ULK4: variants seen among roughly 807,000 people sequenced by gnomAD.
ULK4 encodes the protein unc-51 like kinase 4, also known as inactive serine/threonine-protein kinase ULK4.
Under a neutral mutation model 160.6 loss-of-function variants are expected in ULK4, and 133 were observed. That is an observed-to-expected ratio of 0.83 (90% CI 0.72 to 0.96). ULK4 has a LOEUF of 0.96. ULK4 is among the 40% of genes least tolerant of loss of function. The pLI, the probability that ULK4 is intolerant of heterozygous loss-of-function variation, is 0.00. For synonymous variants in ULK4, 534 were observed against 539.8 expected, an observed-to-expected ratio of 0.99 and a Z score of 0.15; for missense variants, 1,580 against 1,499.5, an observed-to-expected ratio of 1.05 and a Z score of -0.89.
chr3:41,854,917 T>G (rs982848818), intron 17 of ULK4: 8 of 145,286 alleles, frequency 5.5e-5, no homozygotes, highest in Non-Finnish European at 1.2e-4. Flanking sequence ...ATCTCACATC[T>G]GTTCAGTGGG....
At position 41,386,128 on chromosome 3, in the gene ULK4, A is replaced by T. The variant is rs77571150; in HGVS notation, c.3678+11951T>A. ...CTTCAGCACTTCCACGTTTGGCTCA[A>T]AACAGATGCTCAATATACTATTGCT... On this transcript the variant is annotated intron_variant, in intron 35 of 36. Coordinates refer to ENST00000301831, the MANE Select transcript of ULK4 (RefSeq NM_017886.4). Among the ~76,000 whole-genome samples the T allele has an allele frequency of 6.7e-3, 1,018 of 152,302 alleles. 4 individuals are homozygous for T. The highest frequency in any genetic ancestry group is 0.015 in the East Asian group (78 of 5,186).
intron 30 of ULK4, among the ~76,000 whole-genome samples, chr3:41,655,121 C>T (rs1482798625): frequency 6.7e-6 from 1 of 150,280 alleles, no homozygotes; most frequent in African/African-American, 2.5e-5. Flanking sequence ...CCAGCCTGGG[C>T]AACATAGTAA....
intron 8 of ULK4, chr3:41,913,289 G>C (rs1313532993): frequency 1.3e-5 from 2 of 150,870 alleles, no homozygotes; most frequent in East Asian, 4.0e-4. Context: ...GCAGTGGCGC[G>C]ATCTCGGCTC....
intron 17 of ULK4, chr3:41,859,374 C>A: frequency 1.7e-6 from 1 of 580,114 alleles, no homozygotes. Flanking sequence ...GCTTCAGATA[C>A]CAGACGGCTT....
At chr3:41,702,130 A>AT (rs1350741069) in intron 27 of ULK4, among the ~76,000 whole-genome samples, 1 of 152,116 alleles carries the variant, frequency 6.6e-6, no homozygotes, top group Admixed American at 6.6e-5. Flanking sequence ...TAATTTTTTA[A>AT]TTTTTTAATT....
rs189880757 is a variant in ULK4 at position 41,671,947 on chromosome 3, A to C, written c.2979-8248T>G. 5.9e-5 allele frequency among the ~76,000 whole-genome samples: 9 copies of C among 152,322 alleles called. No homozygotes were observed. The East Asian group carries it at 1.7e-3, about 29-fold the overall frequency. On this transcript the variant is annotated intron_variant, in intron 29 of 36. Transcript: ENST00000301831. Reference sequence around the variant, plus strand: ...ATATAAACATTTCTCAAAAGAAGACATACAAATGGCCAACGGGTACATGAA... The same window carrying C: ...ATATAAACATTTCTCAAAAGAAGACCTACAAATGGCCAACGGGTACATGAA...
chr3:41,305,864 G>C (rs1269295996), intron 35 of ULK4, among the ~76,000 whole-genome samples: 1 of 139,724 alleles, frequency 7.2e-6, no homozygotes, highest in Non-Finnish European at 1.5e-5. Flanking sequence ...GAGCGCCTCT[G>C]CCCCCCCGCC....
chr3:41,862,136 C>T (rs2042511783), intron 17 of ULK4, among the ~76,000 whole-genome samples: 1 of 152,108 alleles, frequency 6.6e-6, no homozygotes, highest in African/African-American at 2.4e-5. Context: ...AGTCTTCAAG[C>T]TCACTAATTC....
intron 35 of ULK4, among the ~76,000 whole-genome samples, chr3:41,330,628 C>G (rs1429888523): frequency 6.6e-6 from 1 of 152,172 alleles, no homozygotes; most frequent in Admixed American, 6.5e-5. Context: ...GCCATGTTTA[C>G]CCCTAAGTCA....
intron 35 of ULK4, among the ~76,000 whole-genome samples, chr3:41,293,308 CT>C (rs755987991): frequency 2.0e-5 from 3 of 151,952 alleles, no homozygotes; most frequent in Non-Finnish European, 4.4e-5. Context: ...AAAAACAAAG[CT>C]GGCAGGATTC....
intron 34 of ULK4, among the ~76,000 whole-genome samples, chr3:41,423,223 T>TG (rs1308214235): frequency 6.6e-6 from 1 of 152,178 alleles, no homozygotes; most frequent in Non-Finnish European, 1.5e-5. Flanking sequence ...GGGGTTACAC[T>TG]GGGGGTGGAG....
At chr3:41,925,198 G>A (rs1457345868) in intron 5 of ULK4, among the ~76,000 whole-genome samples, 1 of 152,188 alleles carries the variant, frequency 6.6e-6, no homozygotes, top group African/African-American at 2.4e-5. Flanking sequence ...ACCAACTGAG[G>A]TACCAGGTTC....
intron 29 of ULK4, among the ~76,000 whole-genome samples, chr3:41,671,900 C>T (rs2035552392): frequency 6.6e-6 from 1 of 151,854 alleles, no homozygotes; most frequent in South Asian, 2.1e-4. Context: ...TAATAATAAT[C>T]CCATTTAAAA....
intron 35 of ULK4, among the ~76,000 whole-genome samples, chr3:41,332,774 A>G (rs541591548): frequency 2.6e-5 from 4 of 152,200 alleles, no homozygotes; most frequent in African/African-American, 9.6e-5. Flanking sequence ...ACAGTACCCA[A>G]TGGTTAGTTT....
intron 35 of ULK4, among the ~76,000 whole-genome samples, chr3:41,317,322 G>T (rs970351627): frequency 2.6e-5 from 4 of 152,152 alleles, no homozygotes; most frequent in African/African-American, 9.6e-5. Flanking sequence ...TGATCCACCT[G>T]CCTCGGCCTC....
chr3:41,294,725 T>C (rs2079636714), intron 35 of ULK4, among the ~76,000 whole-genome samples: 1 of 151,924 alleles, frequency 6.6e-6, no homozygotes, highest in South Asian at 2.1e-4. Flanking sequence ...TATTAGCTAA[T>C]GCAATAACAA....
chr3:41,464,458 A>AATTTTCC (rs2083775762), intron 32 of ULK4, among the ~76,000 whole-genome samples: 1 of 152,130 alleles, frequency 6.6e-6, no homozygotes, highest in Non-Finnish European at 1.5e-5. Context: ...AGTAGAATGA[A>AATTTTCC]TTACCGTCAA....
intron 35 of ULK4, among the ~76,000 whole-genome samples, chr3:41,277,447 T>C (rs2079248885): frequency 6.6e-6 from 1 of 152,166 alleles, no homozygotes; most frequent in Non-Finnish European, 1.5e-5. Flanking sequence ...TGGCTTAACA[T>C]ATGCAAGTCA....
At chr3:41,293,084 T>C (rs1559508484) in intron 35 of ULK4, among the ~76,000 whole-genome samples, 2 of 152,136 alleles carry the variant, frequency 1.3e-5, no homozygotes, top group Non-Finnish European at 2.9e-5. Context: ...ATCATGTCAC[T>C]GCACTCCAGA....
Sources: allele counts gnomAD v4.1 joint callset (sites outside exome capture counted in the v4.1 genomes callset), GRCh38; gene constraint gnomAD v4.1.1; transcripts MANE v1.5; gene names NCBI Gene and HGNC (gene_info 2026-07-23, HGNC 2026-07-21).